Variants in WDR73 observed in about 807,000 individuals in gnomAD.
WDR73 encodes the protein integrator complex assembly factor WDR73.
A neutral mutation model predicts 38.2 loss-of-function variants in WDR73; 30 were observed. That is an observed-to-expected ratio of 0.79 (90% confidence interval 0.59 to 1.06). The LOEUF is 1.06. Among genes scored for constraint, WDR73 ranks in the 50% least tolerant of loss-of-function variants. The pLI is 0.00. For missense variants in WDR73, 487 were observed against 467.0 expected, an observed-to-expected ratio of 1.04 and a Z score of -0.40; for synonymous variants, 197 against 176.0, an observed-to-expected ratio of 1.12 and a Z score of -0.94.
intron 5 of WDR73, 109 bp from the exon 6 acceptor site, chr15:84,646,457 A>C: frequency 6.7e-7 from 1 of 1,482,248 alleles, no homozygotes; most frequent in Non-Finnish European, 8.9e-7. Context: ...GAAGAAAAGG[A>C]GCTGCCGGCT....
intron 3 of WDR73, among the ~76,000 whole-genome samples, chr15:84,650,493 T>C (rs1014366920): frequency 2.0e-5 from 3 of 152,206 alleles, no homozygotes; most frequent in Admixed American, 2.0e-4. Flanking sequence ...CCTGAGTAGC[T>C]GGTACTACAG....
intron 3 of WDR73, among the ~76,000 whole-genome samples, chr15:84,650,323 G>A (rs11636189): frequency 0.2 from 29,790 of 151,810 alleles, 3,694 homozygotes; most frequent in Middle Eastern, 0.36. Context: ...GAGTAGCTGG[G>A]ATTAAAGGCA....
At chr15:84,645,122 T>C (rs2040083140) in intron 7 of WDR73, 1 of 992,450 alleles carries the variant, frequency 1.0e-6, no homozygotes, top group Non-Finnish European at 1.3e-6. Context: ...GGCTAATTTT[T>C]TGTATTTTTA....
In WDR73 at chr15:84,654,262, C is replaced by A. The variant is rs767869877; in HGVS notation, c.13G>T (p.Asp5Tyr). MDPG[D>Y]DWLVESLRLY... ...CGCAAGGATTCCACCAGCCAGTCGT[C>A]CCCAGGATCCATGGCAACGACCGCT... Residue 5 changes from aspartate to tyrosine, a missense_variant, in exon 1 of 8, where the codon GAC (aspartate) becomes TAC (tyrosine). Coordinates refer to ENST00000434634, the MANE Select transcript of WDR73 (RefSeq NM_032856.5). 25 of 1,613,850 alleles carry A rather than the reference C, an allele frequency of 1.5e-5. No individual in the cohort carries two copies. The highest frequency in any genetic ancestry group is 2.7e-5 in the African/African-American group (2 of 74,952).
intron 7 of WDR73, chr15:84,645,078 G>A (rs1314978575): frequency 2.0e-6 from 1 of 506,930 alleles, no homozygotes; most frequent in South Asian, 4.3e-5. Context: ...AGCCTCCTAA[G>A]TAGCTGGGAC....
rs1896323793 is a variant in WDR73 at position 84,643,290 on chromosome 15, G to A, written c.*180C>T. Reference sequence around the variant, plus strand: ...CTAACCTTCGCAATATCACTACGAGGTAGTTCTTACTATCCTCATTTTACA... The same window carrying A: ...CTAACCTTCGCAATATCACTACGAGATAGTTCTTACTATCCTCATTTTACA... On this transcript the variant is annotated 3_prime_UTR_variant, in exon 8 of 8. Transcript: ENST00000434634. 34 of 685,116 alleles carry A rather than the reference G, an allele frequency of 5.0e-5. 1 individual carries two copies. The South Asian group carries it at 5.6e-4, about 11-fold the overall frequency. The allele number at this position is 685,116 out of a possible 1,614,324, so 42.4% of individuals were successfully genotyped here. A position where few individuals can be genotyped will look rare whatever the true frequency, so the allele number is the denominator to read the frequency against.
rs902076737 is a variant in WDR73 at position 84,653,645 on chromosome 15, C to G, written c.96G>C (p.Trp32Cys). ...DLSGATRVLE[W>C]IDDKGVFVAG... The stretch of plus-strand genomic sequence containing the variant: ...AAGGTATACCACCTTTGTCATCAAT[C>G]CATTCAAGGACTCGAGTGGCTCCTG... Residue 32 changes from tryptophan (W) to cysteine (C), a missense_variant, in exon 2 of 8, where the codon TGG becomes TGC. By Grantham distance (215) the Trp-to-Cys change is radical. Coordinates refer to ENST00000434634, the MANE Select transcript of WDR73 (RefSeq NM_032856.5). The G allele has an allele frequency of 1.9e-6, 3 of 1,592,404 alleles. No homozygotes were observed. Among genetic ancestry groups the G allele is most frequent in the Non-Finnish European group, 2.6e-6 (3 of 1,169,030 alleles).
rs73449331 is a variant in WDR73, at chr15:84,647,906, C to T, written c.336G>A (p.Gln112=). ...GLPGCYLQVW[Q]VAEDSDVIKA... ...TTCACTCACCACTGTCCTCTGCAAC[C>T]TGCCACACCTGCAGATAACAACCTG... The change falls in exon 5 of 8, where the codon CAG becomes CAA. Residue 112 remains glutamine, a synonymous_variant. Transcript: ENST00000434634. The T allele has an allele frequency of 1.8e-3, 2,868 of 1,613,996 alleles. 39 individuals carry two copies. The African/African-American group carries it at 0.033, about 18-fold the overall frequency.
chr15:84,644,575 CTTTTTTTTTTTTT>C (rs397853712), intron 7 of WDR73: 2 of 109,590 alleles, frequency 1.8e-5, no homozygotes, highest in African/African-American at 6.8e-5. Flanking sequence ...TGGCTTGCTA[CTTTTTTTTTTTTT>C]TTTTTTTTTG....
In WDR73 at chr15:84,643,696, T is replaced by A. The variant is rs1471110998; in HGVS notation, c.911A>T (p.Asp304Val). 6.2e-7 allele frequency: 1 copy of A among 1,613,278 alleles called. No individual in the cohort carries two copies. The highest frequency in any genetic ancestry group is 2.2e-5 in the East Asian group (1 of 44,870). The part of the protein sequence containing the change: ...SGFDGTVQVY[D>V]ATSWDGTRSQ... ...CCGTGTTCCATCCCAAGATGTGGCA[T>A]CATAGACCTGGACTGTACCATCAAA... Residue 304 changes from aspartate to valine, a missense_variant, in exon 8 of 8, where the codon GAT becomes GTT. Transcript: ENST00000434634.
At position 84,645,638 on chromosome 15, in the gene WDR73, G is replaced by A. The variant is rs748585082; in HGVS notation, c.716C>T (p.Pro239Leu). The A allele has an allele frequency of 3.1e-6, 5 of 1,608,482 alleles. No individual in the cohort carries two copies. In the Admixed American group the frequency reaches 6.8e-5, roughly 22 times the overall value. ...EVGSWGQGPG[P>L]SIASLGSDGR... ...ATCTGAGCCAAGGCTGGCAATGCTG[G>A]GCCCAGGGCCCTGGCCCCAGCTCCC... Residue 239 changes from proline to leucine, a missense_variant, in exon 7 of 8, where the codon CCC becomes CTC. Physicochemically the swap from Pro to Leu is moderately conservative, Grantham distance 98 (BLOSUM62 -3). Coordinates refer to ENST00000434634, the MANE Select transcript of WDR73 (RefSeq NM_032856.5).
chr15:84,646,000 G>T (rs1481022650), intron 6 of WDR73, 164 bp from the exon 7 acceptor site: 8 of 1,542,442 alleles, frequency 5.2e-6, no homozygotes, highest in Admixed American at 2.0e-5. Flanking sequence ...GTTGGGTGCT[G>T]GTCCCTGGGA....
intron 7 of WDR73, chr15:84,644,575 C>CTTT (rs397853712): frequency 7.4e-4 from 81 of 109,582 alleles, no homozygotes; most frequent in East Asian, 1.4e-3. Flanking sequence ...TGGCTTGCTA[C>CTTT]TTTTTTTTTT....
At chr15:84,645,088 C>T in intron 7 of WDR73, 1 of 634,006 alleles carries the variant, frequency 1.6e-6, no homozygotes, top group Non-Finnish European at 2.1e-6. Context: ...GTAGCTGGGA[C>T]TACAGGCGCC....
At chr15:84,654,156 C>T (rs1896715891) in intron 1 of WDR73, 78 bp downstream of exon 1, 5 of 1,589,586 alleles carry the variant, frequency 3.1e-6, no homozygotes, top group Non-Finnish European at 4.3e-6. Flanking sequence ...GGATCCCCAA[C>T]GTGCCTCCAC....
chr15:84,645,591 G>T lies in WDR73; in HGVS notation c.763C>A (p.Pro255Thr), dbSNP rs751320800. Residue 255 changes from proline to threonine, a missense_variant, in exon 7 of 8, where the codon CCC becomes ACC. Coordinates refer to ENST00000434634, the MANE Select transcript of WDR73 (RefSeq NM_032856.5). ...CTCACAGGATGGCAGAGATCCCGGG[G>T]GTCAAGAAGACAAAGACGCCCATCT... is the stretch of plus-strand genomic sequence containing the variant. ...GSDGRLCLLD[P>T]RDLCHPVSSV... is the part of the protein sequence containing the mutation. The T allele has an allele frequency of 1.2e-6, 2 of 1,611,038 alleles. No homozygotes were observed. Among genetic ancestry groups the T allele is most frequent in the Admixed American group, 1.7e-5 (1 of 59,390 alleles).
intron 3 of WDR73, 62 bp from the exon 4 acceptor site, chr15:84,648,687 C>CGA (rs1896536981): frequency 2.2e-6 from 3 of 1,340,068 alleles, no homozygotes; most frequent in Non-Finnish European, 3.2e-6. Flanking sequence ...CAGAGGAACT[C>CGA]TAAGTGAGGA....
chr15:84,653,742 A>G, intron 1 of WDR73, 43 bp from the exon 2 acceptor site: 3 of 1,493,238 alleles, frequency 2.0e-6, no homozygotes, highest in Non-Finnish European at 2.8e-6. Flanking sequence ...ACAGCACTTC[A>G]CAGCTCAAAG....
intron 2 of WDR73, chr15:84,653,049 G>C (rs1026036369): frequency 2.7e-6 from 1 of 375,394 alleles, no homozygotes; most frequent in Non-Finnish European, 4.8e-6. Context: ...CTTCAGAGTA[G>C]CTGGGATTAT....
Sources: gnomAD v4.1 joint callset for allele counts (sites outside exome capture counted in the v4.1 genomes callset) on GRCh38, gnomAD v4.1.1 for gene constraint, MANE v1.5 for transcripts, NCBI Gene and HGNC (gene_info 2026-07-23, HGNC 2026-07-21) for gene names.